The following SLIT3 variants were observed in gnomAD, a reference collection of about 807,000 sequenced individuals.
SLIT3 encodes the protein slit guidance ligand 3.
A neutral mutation model predicts 184.0 loss-of-function variants in SLIT3; 68 were observed. The ratio of observed to expected loss-of-function variants is 0.37; its 90% CI spans 0.30 to 0.45. The LOEUF is 0.45. Among genes scored for constraint, SLIT3 ranks in the 20% least tolerant of loss-of-function variants. SLIT3 has a pLI of 1.00. For missense variants in SLIT3, 1,707 were observed against 2,026.0 expected, an observed-to-expected ratio of 0.84 and a Z score of 3.02; for synonymous variants, 831 against 828.6, an observed-to-expected ratio of 1.00 and a Z score of -0.05.
intron 2 of SLIT3, 110 bp downstream of exon 2, chr5:169,251,278 A>T (rs565293697): frequency 1.3e-6 from 1 of 771,202 alleles, no homozygotes; most frequent in African/African-American, 1.7e-5. Flanking sequence ...AGAATGGTGA[A>T]TTCCTGTTGT....
At chr5:169,224,944 G>A (rs1002438633) in intron 3 of SLIT3, among the ~76,000 whole-genome samples, 8 of 152,116 alleles carry the variant, frequency 5.3e-5, no homozygotes, top group Non-Finnish European at 8.8e-5. Context: ...TTGGCCTCCC[G>A]AAGTGCTGGG....
At chr5:169,147,552 C>T (rs1348039400) in intron 4 of SLIT3, among the ~76,000 whole-genome samples, 4 of 152,202 alleles carry the variant, frequency 2.6e-5, no homozygotes, top group Non-Finnish European at 5.9e-5. Context: ...AGCCACCACG[C>T]CTGGCCATAA....
intron 1 of SLIT3, among the ~76,000 whole-genome samples, chr5:169,263,329 C>T (rs1766263190): frequency 6.6e-6 from 1 of 152,070 alleles, no homozygotes; most frequent in South Asian, 2.1e-4. Flanking sequence ...CAGAGCAAGA[C>T]CCTGTCTCTG....
chr5:168,823,437 G>T, intron 6 of SLIT3, 106 bp from the exon 7 acceptor site: 1 of 811,762 alleles, frequency 1.2e-6, no homozygotes, highest in African/African-American at 1.7e-5. Context: ...AAGACCATGA[G>T]TCAACAGTCA....
chr5:168,961,555 G>T (rs1763008470), intron 4 of SLIT3, among the ~76,000 whole-genome samples: 1 of 152,140 alleles, frequency 6.6e-6, no homozygotes, highest in Non-Finnish European at 1.5e-5. Flanking sequence ...AGTGTTATAG[G>T]AGTTTAGAGA....
chr5:168,889,712 C>G (rs911397047), intron 4 of SLIT3, among the ~76,000 whole-genome samples: 2 of 152,182 alleles, frequency 1.3e-5, no homozygotes, highest in Non-Finnish European at 2.9e-5. Flanking sequence ...ATGTGTTCCA[C>G]TATGGTTGAA....
rs182779339 is a variant in SLIT3 at position 169,070,651 on chromosome 5, A to C, written c.413+122828T>G. Reference sequence around the variant, plus strand: ...GGGAGGACCAAGTGTTCGGTTCAGCATCAGGGTTTCTGTGCTAATCTGACC... The same window carrying C: ...GGGAGGACCAAGTGTTCGGTTCAGCCTCAGGGTTTCTGTGCTAATCTGACC... On this transcript the variant is annotated intron_variant, in intron 4 of 35. Transcript: ENST00000519560. Among the ~76,000 whole-genome samples the C allele has an allele frequency of 4.6e-5, 7 of 152,294 alleles. No individual in the cohort carries two copies. In the East Asian group the frequency reaches 1.4e-3, roughly 29 times the overall value.
At chr5:168,979,597 A>G (rs1198270233) in intron 4 of SLIT3, among the ~76,000 whole-genome samples, 1 of 152,234 alleles carries the variant, frequency 6.6e-6, no homozygotes, top group African/African-American at 2.4e-5. Context: ...AGCTCTTCAG[A>G]CAAGGGCAGT....
intron 3 of SLIT3, among the ~76,000 whole-genome samples, chr5:169,241,418 T>C (rs1765402332): frequency 6.6e-6 from 1 of 152,136 alleles, no homozygotes. Flanking sequence ...ACTAGTGACA[T>C]TTTGGGCTGA....
At chr5:169,181,999 T>C (rs1440227665) in intron 4 of SLIT3, among the ~76,000 whole-genome samples, 1 of 152,062 alleles carries the variant, frequency 6.6e-6, no homozygotes, top group African/African-American at 2.4e-5. Context: ...GACTAAAAAT[T>C]CAAGTCCAGA....
At chr5:169,248,270 TCTC>T (rs1765665074) in intron 2 of SLIT3, among the ~76,000 whole-genome samples, 1 of 152,046 alleles carries the variant, frequency 6.6e-6, no homozygotes, top group African/African-American at 2.4e-5. Context: ...TTTACTTCGC[TCTC>T]CTCATTTGCC....
intron 23 of SLIT3, among the ~76,000 whole-genome samples, chr5:168,713,994 A>G (rs1762640593): frequency 6.6e-6 from 1 of 152,044 alleles, no homozygotes; most frequent in African/African-American, 2.4e-5. Flanking sequence ...GTTACCCTCC[A>G]TTGATATCCT....
At chr5:168,721,004 C>T (rs1762926552) in intron 23 of SLIT3, 1 of 152,212 alleles carries the variant, frequency 6.6e-6, no homozygotes, top group Non-Finnish European at 1.5e-5. Context: ...CTTCACCAGT[C>T]TGGGCCTCAG....
At chr5:168,732,631 C>A (rs1390544394) in intron 20 of SLIT3, among the ~76,000 whole-genome samples, 2 of 152,082 alleles carry the variant, frequency 1.3e-5, no homozygotes, top group Non-Finnish European at 2.9e-5. Flanking sequence ...ACACATAAAT[C>A]AATGGTACAG....
At chr5:168,720,730 C>T (rs1234782421) in intron 23 of SLIT3, 3 of 152,212 alleles carry the variant, frequency 2.0e-5, no homozygotes, top group Non-Finnish European at 4.4e-5. Context: ...AAATAAGTGA[C>T]AATAACAGAT....
At chr5:169,236,749 T>C (rs7701659) in intron 3 of SLIT3, among the ~76,000 whole-genome samples, 116,625 of 152,090 alleles carry the variant, frequency 0.77, 44,916 homozygotes, top group African/African-American at 0.82. Flanking sequence ...GGATAACAGG[T>C]GTGAGCCACC....
At chr5:169,163,123 C>A (rs1762530396) in intron 4 of SLIT3, among the ~76,000 whole-genome samples, 1 of 151,944 alleles carries the variant, frequency 6.6e-6, no homozygotes, top group South Asian at 2.1e-4. Flanking sequence ...GTGTTCGAGA[C>A]CAGCCCGGCC....
At chr5:168,962,230 A>G (rs920611287) in intron 4 of SLIT3, among the ~76,000 whole-genome samples, 1 of 151,934 alleles carries the variant, frequency 6.6e-6, no homozygotes, top group Non-Finnish European at 1.5e-5. Flanking sequence ...CCAGATGTGG[A>G]GAGCACAAGC....
rs78278237 is a variant in SLIT3, at chr5:168,908,818, G to A, written c.414-25482C>T. 6.4e-4 allele frequency among the ~76,000 whole-genome samples: 98 copies of A among 152,300 alleles called. No homozygotes were observed. In the East Asian group the frequency reaches 0.016, roughly 24 times the overall value. ...ACCATCTATTACAAACGATGGAGGTGTTCAACTACTATTTCAACTAAAAAT... is the reference window on the plus strand; with the variant it reads ...ACCATCTATTACAAACGATGGAGGTATTCAACTACTATTTCAACTAAAAAT... On this transcript the variant is annotated intron_variant, in intron 4 of 35. Transcript: ENST00000519560.
Sources: gnomAD v4.1 joint callset for allele counts (sites outside exome capture counted in the v4.1 genomes callset) on GRCh38, gnomAD v4.1.1 for gene constraint, MANE v1.5 for transcripts, NCBI Gene and HGNC (gene_info 2026-07-23, HGNC 2026-07-21) for gene names.